Variants in SIK2 observed in about 807,000 individuals in gnomAD.
SIK2 encodes the protein salt inducible kinase 2.
A neutral mutation model predicts 103.2 loss-of-function variants in SIK2; 29 were observed. That is an observed-to-expected ratio of 0.28 (90% CI 0.21 to 0.38). SIK2 has a LOEUF of 0.38. Ranked by LOEUF, SIK2 falls within the 10% of genes least tolerant of loss-of-function variation. The probability of loss-of-function intolerance (pLI) is 1.00; values close to 1 mark genes in which losing one functional copy is unlikely to be tolerated. For synonymous variants in SIK2, 412 were observed against 446.1 expected (o/e 0.92, Z 0.96); for missense variants, 879 against 1,171.0 (o/e 0.75, Z 3.64).
In SIK2 at chr11:111,726,958, T is replaced by C. The variant is rs756932481; in HGVS notation, c.*2829T>C. On this transcript the variant is annotated 3_prime_UTR_variant, in exon 15 of 15. Transcript: ENST00000304987. ...ATTTTTTATGTTCTTTTTTTAAATC[T>C]GGGGTATTAGTCTGTGCTTTGGGAG... 19 of 1,612,642 alleles carry C rather than the reference T, an allele frequency of 1.2e-5. No individual in the cohort carries two copies. Among genetic ancestry groups the C allele is most frequent in the Admixed American group, 3.3e-5 (2 of 59,960 alleles).
chr11:111,628,345 C>T (rs1206051517), intron 3 of SIK2, among the ~76,000 whole-genome samples: 4 of 151,974 alleles, frequency 2.6e-5, no homozygotes, highest in East Asian at 1.9e-4. Flanking sequence ...AAGTTTGTTA[C>T]GGATGATACA....
chr11:111,650,203 C>T (rs1942310182), intron 3 of SIK2, among the ~76,000 whole-genome samples: 1 of 151,696 alleles, frequency 6.6e-6, no homozygotes, highest in Non-Finnish European at 1.5e-5. Context: ...TTATCTTTTC[C>T]TTTGGCTTCT....
intron 3 of SIK2, among the ~76,000 whole-genome samples, chr11:111,683,917 G>C (rs984548795): frequency 2.0e-4 from 31 of 152,130 alleles, no homozygotes; most frequent in African/African-American, 7.5e-4. Context: ...TTCTATTACT[G>C]ATTTCTCAGC....
intron 3 of SIK2, among the ~76,000 whole-genome samples, chr11:111,648,623 ATACATGAAATATATATATT>A (rs1401940701): frequency 6.6e-6 from 1 of 151,922 alleles, no homozygotes; most frequent in Non-Finnish European, 1.5e-5. Context: ...AAATATATTT[ATACATGAAATATATATATT>A]TCATGTATAT....
intron 3 of SIK2, among the ~76,000 whole-genome samples, chr11:111,642,744 A>G (rs966800450): frequency 6.8e-6 from 1 of 147,960 alleles, no homozygotes; most frequent in South Asian, 2.1e-4. Context: ...TGGTTCCTCT[A>G]GCAACCAGTG....
intron 3 of SIK2, among the ~76,000 whole-genome samples, chr11:111,657,252 C>G (rs1942402982): frequency 6.6e-6 from 1 of 152,164 alleles, no homozygotes; most frequent in South Asian, 2.1e-4. Context: ...GATAAACTCT[C>G]ATTTTGGGTG....
intron 3 of SIK2, among the ~76,000 whole-genome samples, chr11:111,659,690 C>G (rs1302607587): frequency 6.6e-6 from 1 of 152,100 alleles, no homozygotes; most frequent in African/African-American, 2.4e-5. Flanking sequence ...CTCTCATTTT[C>G]CCAAGAAAGG....
chr11:111,604,630 A>C (rs1941624604), intron 1 of SIK2, among the ~76,000 whole-genome samples: 1 of 152,220 alleles, frequency 6.6e-6, no homozygotes, highest in Non-Finnish European at 1.5e-5. Context: ...GAGTGAGATC[A>C]ATGCATTCAT....
chr11:111,719,407 AC>A (rs1441015251), intron 9 of SIK2, among the ~76,000 whole-genome samples: 3 of 149,486 alleles, frequency 2.0e-5, no homozygotes, highest in South Asian at 2.1e-4. Flanking sequence ...AAAAAAAAAA[AC>A]AACTCATCTT....
chr11:111,705,481 C>T lies in SIK2; in HGVS notation c.1101+342C>T, dbSNP rs951633582. ...CACTGTTGGGGGTAAGATATATAAA[C>T]TACAGTCACTGCCCTCAGAGACATC... On this transcript the variant is annotated intron_variant, in intron 8 of 14. Transcript: ENST00000304987. The surrounding 1 kb of genome is among the most constrained non-coding windows in gnomAD (Gnocchi z 4.3). Among the ~76,000 whole-genome samples the T allele has an allele frequency of 6.6e-6, 1 of 152,100 alleles. No individual in the cohort carries two copies. The highest frequency in any genetic ancestry group is 2.4e-5 in the African/African-American group (1 of 41,404).
intron 3 of SIK2, among the ~76,000 whole-genome samples, chr11:111,659,681 T>C (rs1453554724): frequency 6.6e-6 from 1 of 152,144 alleles, no homozygotes; most frequent in Non-Finnish European, 1.5e-5. Flanking sequence ...CGTCTTTGTC[T>C]CTCATTTTCC....
At chr11:111,687,514 C>CA (rs35674513) in intron 3 of SIK2, among the ~76,000 whole-genome samples, 81,135 of 124,852 alleles carry the variant, frequency 0.65, 26,588 homozygotes, top group East Asian at 0.94. Context: ...GACTCCATCT[C>CA]AAAAAAAAAA....
At chr11:111,696,890 C>T (rs1257084914) in intron 4 of SIK2, among the ~76,000 whole-genome samples, 1 of 152,048 alleles carries the variant, frequency 6.6e-6, no homozygotes, top group Non-Finnish European at 1.5e-5. Context: ...ATTTCATTCC[C>T]CCCCTACTCA....
Position 111,729,102 on chromosome 11 carries a change from C to T in SIK2, c.*4973C>T, listed in dbSNP as rs759757979. 6.6e-6 allele frequency: 1 copy of T among 152,244 alleles called. No homozygotes were observed. The highest frequency in any genetic ancestry group is 1.5e-5 in the Non-Finnish European group (1 of 68,080). 9.4% of individuals were successfully genotyped at this position (152,244 alleles called of 1,614,324 possible). ...TGGCAGGTGAACGAAAGCAGTGGAG[C>T]CTCTCACCTTCCAGTAGCCTCTCAC... is the stretch of plus-strand genomic sequence containing the variant. On this transcript the variant is annotated 3_prime_UTR_variant, in exon 15 of 15. Transcript: ENST00000304987.
chr11:111,711,546 C>A (rs1943497192), intron 8 of SIK2, among the ~76,000 whole-genome samples: 1 of 152,158 alleles, frequency 6.6e-6, no homozygotes, highest in Non-Finnish European at 1.5e-5. Flanking sequence ...AAAAACATAG[C>A]TTGCAGTAAG....
At chr11:111,678,542 G>A (rs1942736135) in intron 3 of SIK2, among the ~76,000 whole-genome samples, 1 of 152,142 alleles carries the variant, frequency 6.6e-6, no homozygotes, top group Non-Finnish European at 1.5e-5. Context: ...TCACTCTTAT[G>A]TAACTGATTT....
intron 3 of SIK2, among the ~76,000 whole-genome samples, chr11:111,685,577 C>T (rs1478724202): frequency 1.3e-5 from 2 of 152,146 alleles, no homozygotes; most frequent in Non-Finnish European, 2.9e-5. Flanking sequence ...GGTGTGATGG[C>T]TCACACCTGT....
At chr11:111,611,613 G>A (rs968642692) in intron 1 of SIK2, among the ~76,000 whole-genome samples, 8 of 152,090 alleles carry the variant, frequency 5.3e-5, no homozygotes, top group Non-Finnish European at 5.9e-5. Flanking sequence ...TTGTCCTAAT[G>A]TTCTTCAGTT....
chr11:111,625,103 A>T (rs1941944791), intron 3 of SIK2, among the ~76,000 whole-genome samples: 7 of 152,180 alleles, frequency 4.6e-5, no homozygotes, highest in Admixed American at 4.6e-4. Context: ...AGGCAGGAGT[A>T]GGGCAGATTT....
Sources: allele counts gnomAD v4.1 joint callset (sites outside exome capture counted in the v4.1 genomes callset), GRCh38; gene constraint gnomAD v4.1.1; non-coding constraint Gnocchi (gnomAD v3.1); transcripts MANE v1.5; gene names NCBI Gene and HGNC (gene_info 2026-07-23, HGNC 2026-07-21).